Variants in ADGRB3 observed in about 807,000 individuals in gnomAD.
ADGRB3 encodes brain-specific angiogenesis inhibitor 3.
ADGRB3 carries 37 observed loss-of-function variants against 193.4 expected under a neutral mutation model. The observed-to-expected ratio is 0.19, with a 90% confidence interval of 0.15 to 0.25. The LOEUF (loss-of-function observed/expected upper bound fraction) is 0.25. ADGRB3 is among the 10% of genes least tolerant of loss of function. The pLI is 1.00. For synonymous variants in ADGRB3, 690 were observed against 644.2 expected, an observed-to-expected ratio of 1.07 and a Z score of -1.08; for missense variants, 1,637 against 1,852.9, an observed-to-expected ratio of 0.88 and a Z score of 2.14.
intron 17 of ADGRB3, among the ~76,000 whole-genome samples, chr6:69,101,640 A>T (rs1773058997): frequency 6.6e-6 from 1 of 151,342 alleles, no homozygotes; most frequent in Non-Finnish European, 1.5e-5. Flanking sequence ...TTTTTACCAT[A>T]TTATACAGAA....
rs539601413 is a variant in ADGRB3, at chr6:68,933,973, T to TA, written c.869-2545dup. Among the ~76,000 whole-genome samples the TA allele has an allele frequency of 1.9e-3, 294 of 152,324 alleles. 1 individual carries two copies. Among genetic ancestry groups the TA allele is most frequent in the Middle Eastern group, 6.8e-3 (2 of 294 alleles). On this transcript the variant is annotated intron_variant, in intron 4 of 31. Coordinates refer to ENST00000370598, the MANE Select transcript of ADGRB3 (RefSeq NM_001704.3). ...CAGTATACTTTGTCTTATAGTTTAC[T>TA]ATTTTAATGTCATTGAATATTTTTA...
intron 3 of ADGRB3, among the ~76,000 whole-genome samples, chr6:68,876,624 T>C (rs1307723451): frequency 1.3e-5 from 2 of 152,210 alleles, no homozygotes; most frequent in Admixed American, 1.3e-4. Context: ...TTGTTTTCCA[T>C]ATATTGTTAG....
chr6:68,939,981 A>G (rs1484547794), intron 5 of ADGRB3, among the ~76,000 whole-genome samples: 2 of 152,198 alleles, frequency 1.3e-5, no homozygotes, highest in Admixed American at 6.5e-5. Context: ...ATTTATTTGT[A>G]CTATAAAATC....
At chr6:68,727,115 A>G (rs1283009302) in intron 3 of ADGRB3, among the ~76,000 whole-genome samples, 1 of 151,598 alleles carries the variant, frequency 6.6e-6, no homozygotes, top group Middle Eastern at 3.2e-3. Context: ...CCTGATATCC[A>G]GTTCCTTTTC....
intron 17 of ADGRB3, among the ~76,000 whole-genome samples, chr6:69,112,648 A>C (rs555319504): frequency 6.6e-6 from 1 of 152,354 alleles, no homozygotes; most frequent in South Asian, 2.1e-4. Flanking sequence ...AACCAACTGC[A>C]GATCAAAAAT....
intron 3 of ADGRB3, among the ~76,000 whole-genome samples, chr6:68,657,753 A>G (rs912321236): frequency 6.6e-6 from 1 of 151,470 alleles, no homozygotes; most frequent in African/African-American, 2.4e-5. Flanking sequence ...GTGTAGCAAA[A>G]TTAATAGGTG....
chr6:69,063,675 G>A (rs949102753), intron 16 of ADGRB3, among the ~76,000 whole-genome samples: 2 of 151,862 alleles, frequency 1.3e-5, no homozygotes, highest in South Asian at 2.1e-4. Context: ...CTAGGTGATC[G>A]CATTGTCTAA....
intron 16 of ADGRB3, among the ~76,000 whole-genome samples, chr6:69,065,032 C>A (rs1022567048): frequency 2.0e-5 from 3 of 151,908 alleles, no homozygotes; most frequent in Admixed American, 6.6e-5. Flanking sequence ...TATTAAGCAC[C>A]AGCTAGTACT....
chr6:69,361,020 C>G lies in ADGRB3; in HGVS notation c.3747C>G (p.Ile1249Met). ...TLPGNVISKVIIQQPTGLHMP... is the reference protein window; with the variant it reads ...TLPGNVISKVMIQQPTGLHMP... ...CTGGAAATGTCATTTCCAAAGTCAT[C>G]ATCCAGCAACCCACAGGTTTGCACA... The change falls in exon 29 of 32, where the codon ATC becomes ATG. Residue 1249 changes from isoleucine (I) to methionine (M), a missense_variant. Around this residue, in one of 7 missense-constraint regions of ADGRB3, gnomAD observed 368 missense variants for 367.4 expected, o/e 1.00. Transcript: ENST00000370598. The G allele has an allele frequency of 1.9e-6, 3 of 1,612,782 alleles. No individual in the cohort carries two copies. Among genetic ancestry groups the G allele is most frequent in the Non-Finnish European group, 2.5e-6 (3 of 1,179,210 alleles).
chr6:69,222,902 T>A (rs1461305259), intron 17 of ADGRB3, among the ~76,000 whole-genome samples: 2 of 152,178 alleles, frequency 1.3e-5, no homozygotes, highest in African/African-American at 4.8e-5. Flanking sequence ...AGTATATATA[T>A]GATTATGAAC....
intron 10 of ADGRB3, among the ~76,000 whole-genome samples, chr6:68,986,819 T>C (rs773412073): frequency 6.6e-6 from 1 of 152,194 alleles, no homozygotes; most frequent in African/African-American, 2.4e-5. Flanking sequence ...ATGTTTAAAA[T>C]GTATCATTTG....
intron 12 of ADGRB3, among the ~76,000 whole-genome samples, chr6:69,017,616 G>A (rs532720229): frequency 1.3e-5 from 2 of 151,984 alleles, no homozygotes; most frequent in South Asian, 4.1e-4. Context: ...AAATCACTTG[G>A]ACCATGGAGG....
intron 3 of ADGRB3, among the ~76,000 whole-genome samples, chr6:68,788,324 G>A (rs200907596): frequency 6.6e-6 from 1 of 151,940 alleles, no homozygotes; most frequent in Non-Finnish European, 1.5e-5. Flanking sequence ...ACACAGCTTT[G>A]AATGTGTCCC....
Position 69,330,561 on chromosome 6 carries a change from G to T in ADGRB3, c.3091G>T (p.Ala1031Ser), listed in dbSNP as rs775555129. The change falls in exon 23 of 32, where the codon GCT becomes TCT. Residue 1031 changes from alanine to serine, a missense_variant. Ala to Ser is a moderately conservative substitution (Grantham distance 99). This residue lies in a region of ADGRB3 where 87 missense variants were observed against 161.0 expected (regional missense o/e 0.54). Transcript: ENST00000370598. ...LLYAFVGPAA[A>S]VVLVNMVIGI... ...CTATGCTTTTGTGGGACCTGCAGCC[G>T]CTGTTGTCCTGGTAAACATCAAAAT... 1.1e-5 allele frequency: 18 copies of T among 1,606,194 alleles called. No individual in the cohort carries two copies. The highest frequency in any genetic ancestry group is 1.5e-5 in the Non-Finnish European group (18 of 1,175,916).
intron 27 of ADGRB3, among the ~76,000 whole-genome samples, chr6:69,354,544 G>A (rs1234425353): frequency 6.6e-6 from 1 of 152,146 alleles, no homozygotes; most frequent in Non-Finnish European, 1.5e-5. Context: ...TTGAGTGTGG[G>A]AGTCCTATGC....
Position 69,162,238 on chromosome 6 carries a change from G to A in ADGRB3, c.2481-71052G>A, listed in dbSNP as rs544275711. 9.9e-5 allele frequency among the ~76,000 whole-genome samples: 15 copies of A among 152,114 alleles called. No individual in the cohort carries two copies. In the South Asian group the frequency reaches 1.7e-3, roughly 17 times the overall value. On this transcript the variant is annotated intron_variant, in intron 17 of 31. Transcript: ENST00000370598. Reference sequence around the variant, plus strand: ...TCTTGCATAACGACTTTTATCTTTAGATAATTAAATTATTTTATGTTTACA... The same window carrying A: ...TCTTGCATAACGACTTTTATCTTTAAATAATTAAATTATTTTATGTTTACA...
intron 3 of ADGRB3, among the ~76,000 whole-genome samples, chr6:68,696,640 T>A (rs1212007014): frequency 1.3e-5 from 2 of 151,864 alleles, no homozygotes; most frequent in Non-Finnish European, 2.9e-5. Flanking sequence ...ATGACAAATT[T>A]ATATAATTTT....
intron 20 of ADGRB3, among the ~76,000 whole-genome samples, chr6:69,323,148 A>G (rs1169812575): frequency 6.6e-6 from 1 of 152,036 alleles, no homozygotes; most frequent in African/African-American, 2.4e-5. Context: ...TAACATTTCA[A>G]CATATTTACA....
intron 17 of ADGRB3, among the ~76,000 whole-genome samples, chr6:69,150,568 TG>T (rs974019627): frequency 5.9e-5 from 9 of 152,216 alleles, no homozygotes; most frequent in African/African-American, 1.9e-4. Flanking sequence ...GGCCTGGAAC[TG>T]GGGACCCCAA....
Sources: gnomAD v4.1 joint callset for allele counts (sites outside exome capture counted in the v4.1 genomes callset) on GRCh38, gnomAD v4.1.1 for gene constraint, gnomAD v4.1.1 regional missense constraint, MANE v1.5 for transcripts, NCBI Gene and HGNC (gene_info 2026-07-23, HGNC 2026-07-21) for gene names.